The following DRC11 variants were observed in gnomAD, a reference collection of about 807,000 sequenced individuals.
The protein encoded by DRC11 is dynein regulatory complex subunit 11, also known as IQ and AAA domain-containing protein 1.
At chr2:236,387,177 G>A in the DRC11 span, among the ~76,000 whole-genome samples, 271 of 149,228 alleles carry the variant, frequency 1.8e-3, 1 homozygote, top group Admixed American at 3.1e-3. Context: ...TGTCTATTAG[G>A]TCCGCTTGGT....
At chr2:236,354,926 C>T in the DRC11 span, among the ~76,000 whole-genome samples, 2 of 152,202 alleles carry the variant, frequency 1.3e-5, no homozygotes, top group African/African-American at 4.8e-5. Context: ...CCCCTTCCCA[C>T]GGCAGCCTCT....
chr2:236,344,139 G>A, the DRC11 span, among the ~76,000 whole-genome samples: 8 of 152,174 alleles, frequency 5.3e-5, no homozygotes, highest in Non-Finnish European at 1.2e-4. Context: ...ACTCCCTGGA[G>A]GCCCGAATGT....
the DRC11 span, among the ~76,000 whole-genome samples, chr2:236,357,469 T>A: frequency 7.9e-6 from 1 of 126,900 alleles, no homozygotes; most frequent in Non-Finnish European, 1.5e-5. Flanking sequence ...ATTTACATAT[T>A]ACATGTATAT....
chr2:236,503,509 A>T, the DRC11 span: 1 of 967,368 alleles, frequency 1.0e-6, no homozygotes, highest in Middle Eastern at 2.1e-4. This position sits in a 1 kb window ranked among gnomAD's most constrained non-coding sequence, Gnocchi z 4.9. Flanking sequence ...GGGTCCTGCC[A>T]TTTCTTTCTT....
chr2:236,432,791 T>G, the DRC11 span, among the ~76,000 whole-genome samples: 2 of 152,158 alleles, frequency 1.3e-5, no homozygotes, highest in Non-Finnish European at 2.9e-5. Flanking sequence ...CAATTTTTTT[T>G]TCTGCTATGA....
the DRC11 span, among the ~76,000 whole-genome samples, chr2:236,407,460 G>A: frequency 8.5e-5 from 13 of 152,074 alleles, no homozygotes; most frequent in African/African-American, 3.1e-4. Context: ...AGCTCTCCTG[G>A]GGCCCCCTCT....
At chr2:236,336,581 A>G in the DRC11 span, among the ~76,000 whole-genome samples, 1 of 151,806 alleles carries the variant, frequency 6.6e-6, no homozygotes, top group Admixed American at 6.6e-5. The surrounding 1 kb of genome is among the most constrained non-coding windows in gnomAD (Gnocchi z 7.3). Flanking sequence ...CACCCTCCCC[A>G]GAGCCACCCA....
At chr2:236,331,454 G>A in the DRC11 span, 6 of 1,613,756 alleles carry the variant, frequency 3.7e-6, no homozygotes, top group South Asian at 3.3e-5. This position sits in a 1 kb window ranked among gnomAD's most constrained non-coding sequence, Gnocchi z 4.8. Flanking sequence ...ATTTGCCGCC[G>A]GATTCTCTGA....
At chr2:236,419,356 G>A in the DRC11 span, 7 of 1,472,982 alleles carry the variant, frequency 4.8e-6, no homozygotes, top group Middle Eastern at 1.8e-4. This position sits in a 1 kb window ranked among gnomAD's most constrained non-coding sequence, Gnocchi z 4.8. Context: ...GGAAGTTTTT[G>A]TGCTGGTCAG....
At chr2:236,406,519 C>T in the DRC11 span, among the ~76,000 whole-genome samples, 2 of 152,116 alleles carry the variant, frequency 1.3e-5, no homozygotes, top group Non-Finnish European at 2.9e-5. This position sits in a 1 kb window ranked among gnomAD's most constrained non-coding sequence, Gnocchi z 4.7. Flanking sequence ...CCTGCTCCTC[C>T]CCTCTGGGTC....
the DRC11 span, among the ~76,000 whole-genome samples, chr2:236,478,800 C>CTT: frequency 1.4e-5 from 2 of 138,748 alleles, no homozygotes; most frequent in Middle Eastern, 3.7e-3. The surrounding 1 kb of genome is among the most constrained non-coding windows in gnomAD (Gnocchi z 5.9). Flanking sequence ...TTTTTGGGTT[C>CTT]TTTTTTTTTT....
At chr2:236,470,753 G>A in the DRC11 span, among the ~76,000 whole-genome samples, 1 of 152,140 alleles carries the variant, frequency 6.6e-6, no homozygotes, top group Non-Finnish European at 1.5e-5. This position sits in a 1 kb window ranked among gnomAD's most constrained non-coding sequence, Gnocchi z 5.1. Context: ...AGAGCTGATG[G>A]TTTGCTTTTG....
At chr2:236,313,382 C>T in the DRC11 span, among the ~76,000 whole-genome samples, 1 of 152,116 alleles carries the variant, frequency 6.6e-6, no homozygotes, top group South Asian at 2.1e-4. The surrounding 1 kb of genome is among the most constrained non-coding windows in gnomAD (Gnocchi z 4.5). Flanking sequence ...ACATATATAT[C>T]AGGCAAAAAA....
At chr2:236,492,626 C>T in the DRC11 span, among the ~76,000 whole-genome samples, 1 of 152,186 alleles carries the variant, frequency 6.6e-6, no homozygotes, top group African/African-American at 2.4e-5. Context: ...ACAAGTGCTG[C>T]CTTACAGCTT....
At chr2:236,335,346 C>T in the DRC11 span, among the ~76,000 whole-genome samples, 6 of 152,320 alleles carry the variant, frequency 3.9e-5, no homozygotes, top group African/African-American at 1.2e-4. The surrounding 1 kb of genome is among the most constrained non-coding windows in gnomAD (Gnocchi z 5.6). Flanking sequence ...GGATGAGGGG[C>T]GATGACGTCG....
At chr2:236,399,985 G>A in the DRC11 span, among the ~76,000 whole-genome samples, 1 of 152,094 alleles carries the variant, frequency 6.6e-6, no homozygotes, top group Non-Finnish European at 1.5e-5. The surrounding 1 kb of genome is among the most constrained non-coding windows in gnomAD (Gnocchi z 7.0). Context: ...CCACAGTGTT[G>A]GGATTATAGG....
the DRC11 span, among the ~76,000 whole-genome samples, chr2:236,361,810 G>T: frequency 6.6e-6 from 1 of 152,142 alleles, no homozygotes; most frequent in Non-Finnish European, 1.5e-5. This position sits in a 1 kb window ranked among gnomAD's most constrained non-coding sequence, Gnocchi z 5.7. Context: ...CTAGTTAAAT[G>T]ACATATGTTG....
the DRC11 span, among the ~76,000 whole-genome samples, chr2:236,357,440 A>T: frequency 7.9e-6 from 1 of 126,684 alleles, no homozygotes; most frequent in Non-Finnish European, 1.5e-5. Context: ...TAGTATATGT[A>T]TATTTATAAA....
chr2:236,441,797 AG>A, the DRC11 span, among the ~76,000 whole-genome samples: 1 of 152,322 alleles, frequency 6.6e-6, no homozygotes, highest in East Asian at 1.9e-4. Flanking sequence ...TGAGGTTTAG[AG>A]GTGACCACCA....
Sources: gnomAD v4.1 joint callset for allele counts (sites outside exome capture counted in the v4.1 genomes callset) on GRCh38, gnomAD v4.1.1 for gene constraint, Gnocchi (gnomAD v3.1) non-coding constraint, MANE v1.5 for transcripts, NCBI Gene and HGNC (gene_info 2026-07-23, HGNC 2026-07-21) for gene names.